Variants in TBC1D22A observed in about 807,000 individuals in gnomAD.
TBC1D22A encodes the protein putative GTPase activator.
TBC1D22A carries 38 observed loss-of-function variants against 60.2 expected under a neutral mutation model. The observed-to-expected ratio is 0.63, with a 90% CI of 0.49 to 0.83. The LOEUF (loss-of-function observed/expected upper bound fraction) is 0.83. Among genes scored for constraint, TBC1D22A ranks in the 40% least tolerant of loss-of-function variants. The pLI is 0.00. For synonymous variants in TBC1D22A, 302 were observed against 281.7 expected, an observed-to-expected ratio of 1.07 and a Z score of -0.72; for missense variants, 628 against 701.0, an observed-to-expected ratio of 0.90 and a Z score of 1.18.
At chr22:46,825,763 C>G (rs1348797469) in intron 4 of TBC1D22A, among the ~76,000 whole-genome samples, 1 of 152,210 alleles carries the variant, frequency 6.6e-6, no homozygotes, top group African/African-American at 2.4e-5. Flanking sequence ...GTATGAACCA[C>G]CACACCCAGC....
At chr22:47,000,578 TG>T (rs2075277995) in intron 10 of TBC1D22A, among the ~76,000 whole-genome samples, 1 of 152,140 alleles carries the variant, frequency 6.6e-6, no homozygotes, top group Admixed American at 6.5e-5. Context: ...GGGTGTGTGC[TG>T]GGCAGGGAGT....
At chr22:47,000,962 G>A (rs1392759316) in intron 10 of TBC1D22A, among the ~76,000 whole-genome samples, 1 of 152,198 alleles carries the variant, frequency 6.6e-6, no homozygotes, top group Non-Finnish European at 1.5e-5. Context: ...AAAGCCACCA[G>A]TGTTCTGGGT....
At chr22:46,961,052 C>G (rs1052877444) in intron 8 of TBC1D22A, among the ~76,000 whole-genome samples, 1 of 151,098 alleles carries the variant, frequency 6.6e-6, no homozygotes, top group African/African-American at 2.4e-5. Context: ...GCCCAGGACT[C>G]CTTCATGGAA....
chr22:46,909,391 C>T (rs1197810979), intron 7 of TBC1D22A, among the ~76,000 whole-genome samples: 1 of 152,204 alleles, frequency 6.6e-6, no homozygotes, highest in South Asian at 2.1e-4. Context: ...TTGACTCCCT[C>T]TGTCCAGGGT....
At position 46,846,206 on chromosome 22, in the gene TBC1D22A, C is replaced by T. The variant is rs186916097; in HGVS notation, c.638-32447C>T. 2.6e-5 allele frequency among the ~76,000 whole-genome samples: 4 copies of T among 152,262 alleles called. No homozygotes were observed. In the East Asian group the frequency reaches 7.7e-4, roughly 29 times the overall value. On this transcript the variant is annotated intron_variant, in intron 4 of 12. Coordinates refer to ENST00000337137, the MANE Select transcript of TBC1D22A (RefSeq NM_014346.5). ...ATCTATCTCAACAGCACACATATAC[C>T]ATGATGTGGTTTTAAATAATGAGGC... is the stretch of plus-strand genomic sequence containing the variant.
chr22:47,146,990 A>G (rs1376302010), intron 12 of TBC1D22A, among the ~76,000 whole-genome samples: 2 of 152,232 alleles, frequency 1.3e-5, no homozygotes, highest in African/African-American at 2.4e-5. Flanking sequence ...TGGCAGTTAC[A>G]TGGAGATTGC....
chr22:46,951,524 C>A (rs1263270490), intron 8 of TBC1D22A, among the ~76,000 whole-genome samples: 1 of 152,206 alleles, frequency 6.6e-6, no homozygotes, highest in Admixed American at 6.5e-5. Flanking sequence ...GATGGGACAT[C>A]TGCACGGACA....
At chr22:46,947,973 G>A (rs1408485294) in intron 8 of TBC1D22A, among the ~76,000 whole-genome samples, 1 of 152,150 alleles carries the variant, frequency 6.6e-6, no homozygotes, top group Non-Finnish European at 1.5e-5. Context: ...TGATAAACTC[G>A]CCTTTTAATG....
intron 8 of TBC1D22A, among the ~76,000 whole-genome samples, chr22:46,963,213 A>C (rs1486758308): frequency 9.6e-6 from 1 of 104,166 alleles, no homozygotes; most frequent in African/African-American, 4.2e-5. Flanking sequence ...ACAGAGCAAG[A>C]CTCCGTCTCA....
chr22:46,865,544 A>C (rs975083097), intron 4 of TBC1D22A, among the ~76,000 whole-genome samples: 1 of 152,214 alleles, frequency 6.6e-6, no homozygotes, highest in African/African-American at 2.4e-5. Context: ...CTTATGTGAA[A>C]TCACATGTGA....
chr22:47,043,625 G>A (rs131895), intron 11 of TBC1D22A, among the ~76,000 whole-genome samples: 85,163 of 151,846 alleles, frequency 0.56, 24,535 homozygotes, highest in East Asian at 0.91. Flanking sequence ...GGAGGAGGAG[G>A]CTTCCTGGGG....
rs1569284738 is a variant in TBC1D22A at position 46,967,905 on chromosome 22, C to T, written c.1016-6385C>T. 7.9e-5 allele frequency among the ~76,000 whole-genome samples: 12 copies of T among 152,202 alleles called. 1 individual carries two copies. Among genetic ancestry groups the T allele is most frequent in the Middle Eastern group, 3.4e-3 (1 of 294 alleles). On this transcript the variant is annotated intron_variant, in intron 8 of 12. Transcript: ENST00000337137. ...AATTACAAGCTACGATTCCAGTGCA[C>T]CCCCTGGTAATTACAAACTATGATT...
At chr22:46,768,240 T>G (rs984098698) in intron 1 of TBC1D22A, 1 of 152,200 alleles carries the variant, frequency 6.6e-6, no homozygotes, top group Non-Finnish European at 1.5e-5. Flanking sequence ...ATCCCAGCAC[T>G]TTGGGAGGCT....
intron 11 of TBC1D22A, among the ~76,000 whole-genome samples, chr22:47,094,280 C>CA (rs941048813): frequency 2.2e-4 from 34 of 152,204 alleles, no homozygotes; most frequent in Admixed American, 3.9e-4. Flanking sequence ...CTAAGTTTGT[C>CA]AAAAAAATGG....
chr22:47,107,081 GGATAAA>G (rs1280746819), intron 11 of TBC1D22A, among the ~76,000 whole-genome samples: 1 of 152,134 alleles, frequency 6.6e-6, no homozygotes, highest in Non-Finnish European at 1.5e-5. Context: ...TTTGGGAGGA[GGATAAA>G]GATAACAATT....
At chr22:47,033,326 A>G (rs1233212448) in intron 10 of TBC1D22A, among the ~76,000 whole-genome samples, 2 of 152,210 alleles carry the variant, frequency 1.3e-5, no homozygotes, top group Non-Finnish European at 2.9e-5. Context: ...AAAGAACGTC[A>G]TGTTCTAGGG....
intron 11 of TBC1D22A, among the ~76,000 whole-genome samples, chr22:47,039,705 A>G (rs868124423): frequency 7.3e-5 from 3 of 40,984 alleles, no homozygotes; most frequent in East Asian, 2.8e-4. Context: ...GCATTTCAGG[A>G]AAAAAAAAAA....
Position 47,009,251 on chromosome 22 carries a change from A to G in TBC1D22A, c.1201+11542A>G, listed in dbSNP as rs1444102817. Among the ~76,000 whole-genome samples the G allele has an allele frequency of 6.6e-6, 1 of 152,176 alleles. No individual in the cohort carries two copies. Among genetic ancestry groups the G allele is most frequent in the Non-Finnish European group, 1.5e-5 (1 of 68,034 alleles). On this transcript the variant is annotated intron_variant, in intron 10 of 12. Coordinates refer to ENST00000337137, the MANE Select transcript of TBC1D22A (RefSeq NM_014346.5). This position sits in a 1 kb window ranked among gnomAD's most constrained non-coding sequence, Gnocchi z 5.8. The stretch of plus-strand genomic sequence containing the variant: ...CATTATTGTCATTATCATCACCATC[A>G]GCATCATCATCACCATCATCATGAT...
At chr22:47,159,340 C>CA (rs1217858803) in intron 12 of TBC1D22A, among the ~76,000 whole-genome samples, 7 of 143,810 alleles carry the variant, frequency 4.9e-5, no homozygotes, top group Non-Finnish European at 1.5e-5. Context: ...TACACACACA[C>CA]CATGTATTCA....
Sources: allele counts gnomAD v4.1 joint callset (sites outside exome capture counted in the v4.1 genomes callset), GRCh38; gene constraint gnomAD v4.1.1; non-coding constraint Gnocchi (gnomAD v3.1); transcripts MANE v1.5; gene names NCBI Gene and HGNC (gene_info 2026-07-23, HGNC 2026-07-21).